Variants in TAP2 observed in about 807,000 individuals in gnomAD.
TAP2 encodes antigen peptide transporter 2.
Under a neutral mutation model 74.7 loss-of-function variants are expected in TAP2, and 49 were observed. The observed-to-expected ratio is 0.66, with a 90% CI of 0.52 to 0.83. The LOEUF is 0.83. Among genes scored for constraint, TAP2 ranks in the 40% least tolerant of loss-of-function variants. TAP2 has a pLI of 0.00. For missense variants in TAP2, 739 were observed against 859.0 expected (o/e 0.86, Z 1.75); for synonymous variants, 306 against 368.4 (o/e 0.83, Z 1.94).
rs56115039 is a variant in TAP2 at position 32,837,662 on chromosome 6, C to A, written c.494-11G>T. 11,635 of 1,614,046 alleles carry A rather than the reference C, an allele frequency of 7.2e-3. 164 individuals carry two copies. The highest frequency in any genetic ancestry group is 0.036 in the African/African-American group (2,701 of 74,996). On this transcript the variant is annotated splice_polypyrimidine_tract_variant and intron_variant, in intron 2 of 11. Transcript: ENST00000374897. ...GGATTAATGTCTCACCTGAAAGAGG[C>A]ATGAAAAATAACACAAGAATGTGCT... is the stretch of plus-strand genomic sequence containing the variant.
rs1461808364 is a variant in TAP2 at position 32,830,071 on chromosome 6, C to G, written c.1654G>C (p.Glu552Gln). ...LHSQVVSVGQ[E>Q]PVLFSGSVRN... ...ACAGAACCGGAGAACAGCACAGGCTCCTGCCCAACTGAAACCACCTGTGCA... is the reference window on the plus strand; with the variant it reads ...ACAGAACCGGAGAACAGCACAGGCTGCTGCCCAACTGAAACCACCTGTGCA... The change falls in exon 10 of 12, where the codon GAG becomes CAG. Residue 552 changes from glutamate to glutamine, a missense_variant. Glu to Gln is a conservative substitution (Grantham distance 29, BLOSUM62 2). Transcript: ENST00000374897. 3.1e-6 allele frequency: 5 copies of G among 1,613,056 alleles called. No homozygotes were observed. The highest frequency in any genetic ancestry group is 1.7e-5 in the Admixed American group (1 of 60,030).
At position 32,832,814 on chromosome 6, in the gene TAP2, C is replaced by T. The variant is rs1453357528; in HGVS notation, c.956G>A (p.Arg319Gln). The T allele has an allele frequency of 2.2e-5, 35 of 1,612,320 alleles. No homozygotes were observed. Among genetic ancestry groups the T allele is most frequent in the Non-Finnish European group, 2.7e-5 (32 of 1,180,034 alleles). The change falls in exon 6 of 12, where the codon CGG (arginine) becomes CAG (glutamine). Residue 319 changes from arginine (R) to glutamine (Q), a missense_variant. Arg to Gln is a conservative substitution (Grantham distance 43). Transcript: ENST00000374897. The surrounding 1 kb of genome is among the most constrained non-coding windows in gnomAD (Gnocchi z 5.9). Reference protein sequence around the residue: ...VYNTRHQEVLREIQDAVARAG... With the variant: ...VYNTRHQEVLQEIQDAVARAG... ...CCTGGCCACTGCATCCTGGATCTCCCGAAGCACTTCCTGGAAAAGAGGGCC... is the reference window on the plus strand; with the variant it reads ...CCTGGCCACTGCATCCTGGATCTCCTGAAGCACTTCCTGGAAAAGAGGGCC...
chr6:32,833,088 C>T (rs1769197666), intron 5 of TAP2, among the ~76,000 whole-genome samples: 1 of 152,100 alleles, frequency 6.6e-6, no homozygotes, highest in Non-Finnish European at 1.5e-5. Context: ...TCCCCAGTGT[C>T]TGAATCAGGA....
chr6:32,827,214 T>G lies in TAP2; in HGVS notation c.*1692A>C. On this transcript the variant is annotated 3_prime_UTR_variant, in exon 12 of 12. Coordinates refer to ENST00000374897, the MANE Select transcript of TAP2 (RefSeq NM_001290043.2). The stretch of plus-strand genomic sequence containing the variant: ...ATATGAAGGTTTCTCTTTCCTAGAA[T>G]AGCAACTTTCCAAGGTAAGTCCCTC... The G allele has an allele frequency of 1.0e-6, 1 of 985,474 alleles. No individual in the cohort carries two copies. Among genetic ancestry groups the G allele is most frequent in the Non-Finnish European group, 1.2e-6 (1 of 829,944 alleles). 61.0% of individuals were successfully genotyped at this position (985,474 alleles called of 1,614,324 possible). A position where few individuals can be genotyped will look rare whatever the true frequency, so the allele number is the denominator to read the frequency against.
chr6:32,830,211 C>T (rs1462800636), intron 9 of TAP2, 56 bp downstream of exon 9: 1 of 1,612,688 alleles, frequency 6.2e-7, no homozygotes, highest in Non-Finnish European at 8.5e-7. Context: ...GATCTCCCAT[C>T]CTCTCTCTGT....
downstream of TAP2, among the ~76,000 whole-genome samples, chr6:32,825,126 T>TATATATA (rs1554230832): frequency 2.8e-5 from 4 of 140,678 alleles, no homozygotes; most frequent in Non-Finnish European, 4.6e-5. Flanking sequence ...TGTCTGTTGG[T>TATATATA]TATATACATA....
At position 32,832,671 on chromosome 6, in the gene TAP2, A is replaced by G. The variant is rs564710736; in HGVS notation, c.1099T>C (p.Trp367Arg). ...EALEQCRQLY[W>R]RRDLERALYL... ...AAGGCGCGTTCCAGGTCTCTCCGCC[A>G]ATACAGCTGCCGACATTGTTCAAGG... The change falls in exon 6 of 12, where the codon TGG (tryptophan) becomes CGG (arginine). Residue 367 changes from tryptophan (W) to arginine (R), a missense_variant. Physicochemically the swap from Trp to Arg is moderately radical, Grantham distance 101 (BLOSUM62 -3). Transcript: ENST00000374897. This position sits in a 1 kb window ranked among gnomAD's most constrained non-coding sequence, Gnocchi z 5.9. 1.2e-6 allele frequency: 2 copies of G among 1,613,104 alleles called. No individual in the cohort carries two copies. The highest frequency in any genetic ancestry group is 1.7e-6 in the Non-Finnish European group (2 of 1,180,046).
chr6:32,836,170 T>C (rs1769408302), intron 3 of TAP2, among the ~76,000 whole-genome samples: 1 of 152,168 alleles, frequency 6.6e-6, no homozygotes, highest in Non-Finnish European at 1.5e-5. Context: ...CGCCTTGGTC[T>C]CCTTCCTGCC....
Position 32,825,674 on chromosome 6 carries a change from AC to A in TAP2, c.*3231del. 1 of 152,298 alleles carries A rather than the reference AC, an allele frequency of 6.6e-6. No individual in the cohort carries two copies. Among genetic ancestry groups the A allele is most frequent in the East Asian group, 1.9e-4 (1 of 5,190 alleles). 9.4% of individuals were successfully genotyped at this position (152,298 alleles called of 1,614,324 possible). A position where few individuals can be genotyped will look rare whatever the true frequency, so the allele number is the denominator to read the frequency against. ...CTTTGTGTCTTTTGAATTTCAAACC[AC>A]ATTCATATATTGCTTATTTAAATAA... On this transcript the variant is annotated 3_prime_UTR_variant, in exon 12 of 12. Coordinates refer to ENST00000374897, the MANE Select transcript of TAP2 (RefSeq NM_001290043.2).
In TAP2 at chr6:32,830,027, A is replaced by G. The variant is rs777356835; in HGVS notation, c.1698T>C (p.Tyr566=). ...FSGSVRNNIA[Y]GLQSCEDDKV... is the part of the protein sequence containing the mutation. Reference sequence around the variant, plus strand: ...TATCATCTTCGCAGCTCTGCAGCCCATAAGCAATGTTGTTCCTCACAGAAC... The same window carrying G: ...TATCATCTTCGCAGCTCTGCAGCCCGTAAGCAATGTTGTTCCTCACAGAAC... The change falls in exon 10 of 12, where the codon TAT becomes TAC. Residue 566 remains tyrosine (Y), a synonymous_variant. Coordinates refer to ENST00000374897, the MANE Select transcript of TAP2 (RefSeq NM_001290043.2). 6.2e-7 allele frequency: 1 copy of G among 1,613,130 alleles called. No homozygotes were observed. Among genetic ancestry groups the G allele is most frequent in the Non-Finnish European group, 8.5e-7 (1 of 1,180,030 alleles).
Position 32,829,464 on chromosome 6 carries a change from C to T in TAP2, c.1868G>A (p.Arg623Gln), listed in dbSNP as rs778896765. The change falls in exon 11 of 12, where the codon CGA (arginine) becomes CAA (glutamine). Residue 623 changes from arginine (R) to glutamine (Q), a missense_variant. By Grantham distance (43) the Arg-to-Gln change is conservative. Coordinates refer to ENST00000374897, the MANE Select transcript of TAP2 (RefSeq NM_001290043.2). ...QRLAIARALV[R>Q]DPRVLILDEA... ...ATCCAGGATGAGGACCCGCGGGTCT[C>T]GTACAAGGGCCCGGGCAATGGCCAG... 1.2e-5 allele frequency: 19 copies of T among 1,613,728 alleles called. No individual in the cohort carries two copies. The highest frequency in any genetic ancestry group is 4.0e-5 in the African/African-American group (3 of 74,926).
chr6:32,824,116 C>G (rs1768486457), downstream of TAP2, among the ~76,000 whole-genome samples: 1 of 152,098 alleles, frequency 6.6e-6, no homozygotes. Flanking sequence ...CATTTTTCCA[C>G]TTATTCTATA....
chr6:32,831,446 C>G (rs1233662757), intron 7 of TAP2, among the ~76,000 whole-genome samples: 1 of 152,208 alleles, frequency 6.6e-6, no homozygotes, highest in Non-Finnish European at 1.5e-5. Flanking sequence ...TACTGCTCAT[C>G]AGTGGCTGAT....
downstream of TAP2, chr6:32,822,425 A>G: frequency 1.4e-6 from 1 of 721,912 alleles, no homozygotes; most frequent in Non-Finnish European, 2.3e-6. Flanking sequence ...TCAGTATAAT[A>G]AGTAAATTCA....
At chr6:32,822,219 T>C, downstream of TAP2, 1 of 1,258,318 alleles carries the variant, frequency 7.9e-7, no homozygotes, top group African/African-American at 1.5e-5. Context: ...AAAAAATAAA[T>C]GTTGGTGATG....
At position 32,835,763 on chromosome 6, in the gene TAP2, C is replaced by A; in HGVS notation, c.619G>T (p.Ala207Ser). 1 of 1,613,062 alleles carries A rather than the reference C, an allele frequency of 6.2e-7. No individual in the cohort carries two copies. Among genetic ancestry groups the A allele is most frequent in the Non-Finnish European group, 8.5e-7 (1 of 1,180,020 alleles). ...GTGAAGCAGCCTCCTCGGCAGCCTG[C>A]AGACAGTGAGCTGTGGGGTAGGAGA... ...CLFSFGSSLS[A>S]GCRGGCFTYT... The change falls in exon 4 of 12, where the codon GCA becomes TCA. Residue 207 changes from alanine to serine, a missense_variant. By Grantham distance (99) the Ala-to-Ser change is moderately conservative. Transcript: ENST00000374897. The surrounding 1 kb of genome is among the most constrained non-coding windows in gnomAD (Gnocchi z 4.0).
chr6:32,829,837 A>G (rs1768928077), intron 10 of TAP2, 93 bp downstream of exon 10: 2 of 1,537,334 alleles, frequency 1.3e-6, no homozygotes, highest in Non-Finnish European at 1.8e-6. Context: ...AACAGCAAAC[A>G]TCAAGCTACA....
rs2127368544 is a variant in TAP2 at position 32,838,227 on chromosome 6, G to T, written c.7C>A (p.Leu3Ile). The change falls in exon 2 of 12, where the codon CTC becomes ATC. Residue 3 changes from leucine (L) to isoleucine (I), a missense_variant. Leu to Ile is a conservative substitution (Grantham distance 5). Transcript: ENST00000374897. ...GAGGTCCAGGGTCTCAGGTCAGGGA[G>T]CCGCATGGCTCTGTCAACGGATACG... MR[L>I]PDLRPWTSLL... 6.4e-7 allele frequency: 1 copy of T among 1,569,084 alleles called. No homozygotes were observed. Among genetic ancestry groups the T allele is most frequent in the East Asian group, 2.2e-5 (1 of 44,484 alleles).
chr6:32,835,666 C>T lies in TAP2; in HGVS notation c.716G>A (p.Gly239Asp), dbSNP rs1769368299. ...ACCTGTCTTAGTCTCCTGGAAGAAA[C>T]CGAGGTCCTGGCGCAGCAGGGAGGA... Reference protein sequence around the residue: ...LFSSLLRQDLGFFQETKTGEL... With the variant: ...LFSSLLRQDLDFFQETKTGEL... The change falls in exon 4 of 12, where the codon GGT (glycine) becomes GAT (aspartate). Residue 239 changes from glycine (G) to aspartate (D), a missense_variant. Gly to Asp is a moderately conservative substitution (Grantham distance 94, BLOSUM62 -1). Coordinates refer to ENST00000374897, the MANE Select transcript of TAP2 (RefSeq NM_001290043.2). This position sits in a 1 kb window ranked among gnomAD's most constrained non-coding sequence, Gnocchi z 4.0. 1.2e-6 allele frequency: 2 copies of T among 1,612,948 alleles called. No individual in the cohort carries two copies. The highest frequency in any genetic ancestry group is 3.3e-5 in the Admixed American group (2 of 60,002).
Sources: allele counts gnomAD v4.1 joint callset (sites outside exome capture counted in the v4.1 genomes callset), GRCh38; gene constraint gnomAD v4.1.1; non-coding constraint Gnocchi (gnomAD v3.1); transcripts MANE v1.5; gene names NCBI Gene and HGNC (gene_info 2026-07-23, HGNC 2026-07-21).